The following STX8 variants were observed in gnomAD, a reference collection of about 807,000 sequenced individuals.
The protein encoded by STX8 is syntaxin-8.
Under a neutral mutation model 37.5 loss-of-function variants are expected in STX8, and 23 were observed. The observed-to-expected ratio is 0.61, with a 90% CI of 0.44 to 0.87. The LOEUF (loss-of-function observed/expected upper bound fraction) is 0.87, where lower values mean the gene tolerates loss of function less well. STX8 is among the 40% of genes least tolerant of loss of function. The pLI is 0.00. For missense variants in STX8, 313 were observed against 284.7 expected (o/e 1.10, Z -0.71); for synonymous variants, 115 against 99.1 (o/e 1.16, Z -0.95).
intron 4 of STX8, among the ~76,000 whole-genome samples, chr17:9,506,113 G>C (rs927959926): frequency 1.3e-5 from 2 of 151,956 alleles, no homozygotes; most frequent in African/African-American, 4.8e-5. Context: ...TTCTGCACGA[G>C]ACCAGTTGGT....
At chr17:9,398,531 G>A (rs1287072973) in intron 6 of STX8, among the ~76,000 whole-genome samples, 1 of 152,058 alleles carries the variant, frequency 6.6e-6, no homozygotes, top group African/African-American at 2.4e-5. Context: ...AGGACATTGG[G>A]TCAAAATTAA....
At chr17:9,398,124 G>A (rs1912472490) in intron 6 of STX8, among the ~76,000 whole-genome samples, 1 of 152,078 alleles carries the variant, frequency 6.6e-6, no homozygotes, top group Non-Finnish European at 1.5e-5. Context: ...CTCTTTCTTA[G>A]GTGTAGGCTG....
chr17:9,442,791 G>A (rs1483301103), intron 6 of STX8, among the ~76,000 whole-genome samples: 1 of 152,150 alleles, frequency 6.6e-6, no homozygotes, highest in Non-Finnish European at 1.5e-5. Context: ...GCACTGAGGG[G>A]CAAGCATTGT....
intron 7 of STX8, among the ~76,000 whole-genome samples, chr17:9,351,799 A>C (rs1028173767): frequency 1.3e-5 from 2 of 152,072 alleles, no homozygotes; most frequent in African/African-American, 4.8e-5. Flanking sequence ...GTGTCTGTTG[A>C]TGTCATTCAA....
At chr17:9,392,907 A>C (rs1912273223) in intron 6 of STX8, among the ~76,000 whole-genome samples, 1 of 152,192 alleles carries the variant, frequency 6.6e-6, no homozygotes, top group Non-Finnish European at 1.5e-5. Flanking sequence ...CAGAAGAGAG[A>C]AAAAAGAGTG....
At chr17:9,495,413 G>A (rs1904347775) in intron 5 of STX8, among the ~76,000 whole-genome samples, 1 of 152,074 alleles carries the variant, frequency 6.6e-6, no homozygotes, top group South Asian at 2.1e-4. Flanking sequence ...TGAGGGTTGA[G>A]TGTCAACGTG....
intron 7 of STX8, among the ~76,000 whole-genome samples, chr17:9,307,635 GT>G (rs1403884862): frequency 6.6e-6 from 1 of 152,108 alleles, no homozygotes; most frequent in Non-Finnish European, 1.5e-5. Context: ...GGAATTAACA[GT>G]TTCCCACTAT....
rs184700855 is a variant in STX8, at chr17:9,368,331, C to T, written c.643+10221G>A. Among the ~76,000 whole-genome samples the T allele has an allele frequency of 4.3e-3, 648 of 152,132 alleles. 4 individuals are homozygous for T. Among genetic ancestry groups the T allele is most frequent in the Non-Finnish European group, 7.4e-3 (504 of 67,978 alleles). On this transcript the variant is annotated intron_variant, in intron 7 of 7. Coordinates refer to ENST00000306357, the MANE Select transcript of STX8 (RefSeq NM_004853.3). ...CATCCTGGCTAACACAGTGAAACTC[C>T]GTCTCTACTAAAAATACAAAACATT... is the stretch of plus-strand genomic sequence containing the variant.
At chr17:9,463,680 G>A (rs749530683) in intron 6 of STX8, among the ~76,000 whole-genome samples, 3 of 152,168 alleles carry the variant, frequency 2.0e-5, no homozygotes, top group Non-Finnish European at 4.4e-5. Context: ...GGCCGAGCTG[G>A]GCGGATCACC....
At chr17:9,345,393 G>A (rs1910497154) in intron 7 of STX8, among the ~76,000 whole-genome samples, 2 of 151,926 alleles carry the variant, frequency 1.3e-5, no homozygotes, top group South Asian at 2.1e-4. Flanking sequence ...CAGGTGATCC[G>A]CCTGCCTCGG....
chr17:9,380,254 G>GTTTT (rs34806016), intron 6 of STX8, among the ~76,000 whole-genome samples: 173 of 89,394 alleles, frequency 1.9e-3, no homozygotes, highest in African/African-American at 2.5e-3. Flanking sequence ...ATTTCTGTGT[G>GTTTT]TTTTTTTTTT....
intron 6 of STX8, among the ~76,000 whole-genome samples, chr17:9,388,102 G>A (rs112317149): frequency 1.1e-4 from 15 of 135,530 alleles, no homozygotes; most frequent in African/African-American, 2.9e-4. Flanking sequence ...ACATTACTTC[G>A]CTCTTGTTGC....
rs1706041191 is a variant in STX8, at chr17:9,506,419, C to CCA, written c.324-1259_324-1258dup. 3.0e-5 allele frequency among the ~76,000 whole-genome samples: 3 copies of CCA among 99,590 alleles called. No individual in the cohort carries two copies. The South Asian group carries it at 1.4e-3, about 46-fold the overall frequency. The allele number at this position is 99,590 out of a possible 152,430, so 65.3% of individuals were successfully genotyped here. On this transcript the variant is annotated intron_variant, in intron 4 of 7. Coordinates refer to ENST00000306357, the MANE Select transcript of STX8 (RefSeq NM_004853.3). ...GGTGCTCACCCGCTCCCCCCCCCCC[C>CCA]CACCCACCTTTCTTAGGAAAGGACT... is the stretch of plus-strand genomic sequence containing the variant.
chr17:9,317,845 C>G (rs1053317688), intron 7 of STX8, among the ~76,000 whole-genome samples: 9 of 151,950 alleles, frequency 5.9e-5, no homozygotes, highest in Non-Finnish European at 1.0e-4. Context: ...ACTGGAGCTG[C>G]TAGTGTAGGT....
intron 6 of STX8, among the ~76,000 whole-genome samples, chr17:9,487,754 G>A (rs989156147): frequency 6.6e-6 from 1 of 152,184 alleles, no homozygotes; most frequent in Non-Finnish European, 1.5e-5. Flanking sequence ...AAAAGGGATA[G>A]GGGCAAAATG....
intron 6 of STX8, among the ~76,000 whole-genome samples, chr17:9,388,079 T>C (rs1912080026): frequency 6.6e-6 from 1 of 151,506 alleles, no homozygotes; most frequent in Admixed American, 6.6e-5. Context: ...TATTTTTTTT[T>C]TTTTTTTTTG....
At chr17:9,270,638 T>C in intron 7 of STX8, among the ~76,000 whole-genome samples, 1 of 152,128 alleles carries the variant, frequency 6.6e-6, no homozygotes. Context: ...AAGTGCTCAG[T>C]AAATATGTGT....
intron 4 of STX8, among the ~76,000 whole-genome samples, chr17:9,523,518 C>T (rs926794409): frequency 4.6e-5 from 7 of 152,226 alleles, no homozygotes; most frequent in Middle Eastern, 3.4e-3. Flanking sequence ...AATAACAACT[C>T]TCCATCTTCT....
intron 6 of STX8, among the ~76,000 whole-genome samples, chr17:9,425,196 T>C (rs182783462): frequency 6.6e-6 from 1 of 152,324 alleles, no homozygotes; most frequent in Non-Finnish European, 1.5e-5. Context: ...GCTTTTTGTC[T>C]GAAACACTAC....
Sources: allele counts gnomAD v4.1 joint callset (sites outside exome capture counted in the v4.1 genomes callset), GRCh38; gene constraint gnomAD v4.1.1; transcripts MANE v1.5; gene names NCBI Gene and HGNC (gene_info 2026-07-23, HGNC 2026-07-21).